Variants in LYPLAL1 observed in about 807,000 individuals in gnomAD.
LYPLAL1 encodes lysophospholipase like 1.
In LYPLAL1, 23 loss-of-function variants were observed where a neutral mutation model predicts 19.7. The ratio of observed to expected loss-of-function variants is 1.17; its 90% confidence interval spans 0.84 to 1.65. The LOEUF (loss-of-function observed/expected upper bound fraction) is 1.65, where lower values mean the gene tolerates loss of function less well. LYPLAL1 is among the 40% of genes most tolerant of loss of function. The probability of loss-of-function intolerance (pLI) is 0.00; values close to 1 mark genes in which losing one functional copy is unlikely to be tolerated. For missense variants in LYPLAL1, 355 were observed against 279.4 expected, an observed-to-expected ratio of 1.27 and a Z score of -1.93; for synonymous variants, 119 against 96.3, an observed-to-expected ratio of 1.24 and a Z score of -1.38.
At chr1:219,301,668 A>G in the LYPLAL1 span, among the ~76,000 whole-genome samples, 3 of 152,144 alleles carry the variant, frequency 2.0e-5, no homozygotes, top group East Asian at 1.9e-4. Context: ...CAGTTACTCA[A>G]TTGCCCCCCA....
At chr1:219,213,139 A>G (rs541564683), downstream of LYPLAL1, among the ~76,000 whole-genome samples, 3 of 152,168 alleles carry the variant, frequency 2.0e-5, no homozygotes, top group South Asian at 4.1e-4. Flanking sequence ...GTTAATTTTT[A>G]TATGCTGATT....
chr1:219,294,377 A>T, the LYPLAL1 span, among the ~76,000 whole-genome samples: 1 of 152,110 alleles, frequency 6.6e-6, no homozygotes, highest in Non-Finnish European at 1.5e-5. Flanking sequence ...CTCTCCACAG[A>T]TGCCTGATGC....
chr1:219,176,306 A>G (rs1349006702), intron 1 of LYPLAL1, among the ~76,000 whole-genome samples: 2 of 152,190 alleles, frequency 1.3e-5, no homozygotes, highest in Admixed American at 1.3e-4. Context: ...AGTGGTAGTC[A>G]TCATACTTGT....
chr1:219,221,529 T>TC, the LYPLAL1 span, among the ~76,000 whole-genome samples: 1 of 152,102 alleles, frequency 6.6e-6, no homozygotes, highest in East Asian at 1.9e-4. Flanking sequence ...GAGTTACAGT[T>TC]CCCCTGGGGG....
chr1:219,218,708 T>G, the LYPLAL1 span, among the ~76,000 whole-genome samples: 1 of 152,150 alleles, frequency 6.6e-6, no homozygotes, highest in Non-Finnish European at 1.5e-5. Context: ...ATTCCTATAT[T>G]GAAGGTAAGA....
At chr1:219,379,375 A>G in the LYPLAL1 span, among the ~76,000 whole-genome samples, 1 of 152,228 alleles carries the variant, frequency 6.6e-6, no homozygotes, top group Admixed American at 6.5e-5. Flanking sequence ...GACCAGATGT[A>G]CATTGTCCCA....
At chr1:219,330,014 T>C in the LYPLAL1 span, among the ~76,000 whole-genome samples, 1 of 152,174 alleles carries the variant, frequency 6.6e-6, no homozygotes, top group South Asian at 2.1e-4. Flanking sequence ...TAAAATTTAC[T>C]GTAGATCCTC....
At chr1:219,314,923 A>G in the LYPLAL1 span, among the ~76,000 whole-genome samples, 2 of 149,176 alleles carry the variant, frequency 1.3e-5, no homozygotes, top group South Asian at 2.3e-4. Context: ...TTTGGAAAAC[A>G]GTGTCTTAAA....
chr1:219,393,640 T>C, the LYPLAL1 span, among the ~76,000 whole-genome samples: 1 of 152,224 alleles, frequency 6.6e-6, no homozygotes, highest in South Asian at 2.1e-4. Context: ...AATATAACTG[T>C]TAATAATGAG....
chr1:219,395,330 G>C, the LYPLAL1 span, among the ~76,000 whole-genome samples: 2 of 152,206 alleles, frequency 1.3e-5, no homozygotes, highest in African/African-American at 4.8e-5. Context: ...ACTGGTGTGA[G>C]AGGGTATCTT....
the LYPLAL1 span, among the ~76,000 whole-genome samples, chr1:219,330,608 A>G: frequency 6.6e-6 from 1 of 152,200 alleles, no homozygotes; most frequent in African/African-American, 2.4e-5. Flanking sequence ...GTCTGATTCA[A>G]TTGTATGCTA....
downstream of LYPLAL1, among the ~76,000 whole-genome samples, chr1:219,213,312 C>T (rs1332232423): frequency 6.6e-6 from 1 of 151,664 alleles, no homozygotes; most frequent in Non-Finnish European, 1.5e-5. Flanking sequence ...ATCACATAGT[C>T]TTAATTACTA....
the LYPLAL1 span, among the ~76,000 whole-genome samples, chr1:219,441,318 C>T: frequency 6.6e-6 from 1 of 152,076 alleles, no homozygotes; most frequent in Non-Finnish European, 1.5e-5. Context: ...ATATTGTGCT[C>T]ATTCGTAAAA....
the LYPLAL1 span, among the ~76,000 whole-genome samples, chr1:219,261,555 G>C: frequency 3.3e-5 from 5 of 152,274 alleles, no homozygotes; most frequent in East Asian, 9.6e-4. Context: ...TGTAGTGCTG[G>C]CTTGGTAGTG....
chr1:219,328,375 A>C, the LYPLAL1 span, among the ~76,000 whole-genome samples: 1 of 152,210 alleles, frequency 6.6e-6, no homozygotes, highest in Admixed American at 6.5e-5. Context: ...TTCTTTCTAC[A>C]TGATAGTAAG....
intron 1 of LYPLAL1, chr1:219,174,237 C>G: frequency 7.2e-7 from 1 of 1,380,366 alleles, no homozygotes; most frequent in Non-Finnish European, 9.4e-7. Flanking sequence ...GCCGCTCAGC[C>G]AGCCCTCCAT....
the LYPLAL1 span, among the ~76,000 whole-genome samples, chr1:219,314,350 T>A: frequency 0.012 from 1,763 of 152,356 alleles, 11 homozygotes; most frequent in South Asian, 0.018. Flanking sequence ...AATAATGGGA[T>A]TGCTGTATCA....
At chr1:219,255,678 A>G in the LYPLAL1 span, among the ~76,000 whole-genome samples, 2 of 151,928 alleles carry the variant, frequency 1.3e-5, no homozygotes, top group Non-Finnish European at 2.9e-5. Flanking sequence ...CATTCCTAAC[A>G]TCAAGACGAA....
chr1:219,224,909 T>C, the LYPLAL1 span, among the ~76,000 whole-genome samples: 2 of 152,186 alleles, frequency 1.3e-5, no homozygotes, highest in Non-Finnish European at 2.9e-5. Flanking sequence ...AGTCCTTATC[T>C]TTTCCATATC....
Sources: allele counts gnomAD v4.1 joint callset (sites outside exome capture counted in the v4.1 genomes callset), GRCh38; gene constraint gnomAD v4.1.1; transcripts MANE v1.5; gene names NCBI Gene and HGNC (gene_info 2026-07-23, HGNC 2026-07-21).